The following CUX2 variants were observed in gnomAD, a reference collection of about 807,000 sequenced individuals.
CUX2 encodes homeobox protein cut-like 2.
Under a neutral mutation model 144.8 loss-of-function variants are expected in CUX2, and 40 were observed. The observed-to-expected ratio is 0.28, with a 90% CI of 0.21 to 0.36. The LOEUF is 0.36. Among genes scored for constraint, CUX2 ranks in the 10% least tolerant of loss-of-function variants. CUX2 has a pLI of 1.00. For synonymous variants in CUX2, 827 were observed against 875.6 expected, an observed-to-expected ratio of 0.94 and a Z score of 0.98; for missense variants, 1,615 against 1,994.0, an observed-to-expected ratio of 0.81 and a Z score of 3.62.
At chr12:111,218,754 T>G (rs1300937909) in intron 3 of CUX2, among the ~76,000 whole-genome samples, 4 of 152,142 alleles carry the variant, frequency 2.6e-5, no homozygotes, top group African/African-American at 9.7e-5. Flanking sequence ...AAAAGTGACA[T>G]TGTCCACATT....
chr12:111,164,648 C>T (rs909422283), intron 1 of CUX2, among the ~76,000 whole-genome samples: 12 of 151,942 alleles, frequency 7.9e-5, no homozygotes, highest in African/African-American at 2.9e-4. Context: ...GGGATCCACA[C>T]AAATTGGATC....
intron 3 of CUX2, among the ~76,000 whole-genome samples, chr12:111,222,143 C>T (rs752483982): frequency 6.6e-6 from 1 of 152,148 alleles, no homozygotes; most frequent in Non-Finnish European, 1.5e-5. Flanking sequence ...TAGCAGTTCT[C>T]GCAGTTACAT....
chr12:111,072,143 C>T (rs1871279616), intron 1 of CUX2, among the ~76,000 whole-genome samples: 1 of 152,178 alleles, frequency 6.6e-6, no homozygotes, highest in African/African-American at 2.4e-5. Context: ...TGTCACTACC[C>T]ACAAAAATAG....
chr12:111,277,940 A>C lies in CUX2; in HGVS notation c.302-13478A>C, dbSNP rs533442103. On this transcript the variant is annotated intron_variant, in intron 4 of 21. Coordinates refer to ENST00000261726, the MANE Select transcript of CUX2 (RefSeq NM_015267.4). The surrounding 1 kb of genome is among the most constrained non-coding windows in gnomAD (Gnocchi z 5.0). ...TTCGCAGGGCCGGGTTGTTTCTGAA[A>C]GCAGGAGGCTGCAGGGGAGAAGTCA... Among the ~76,000 whole-genome samples, 9 of 152,332 alleles carry C rather than the reference A, an allele frequency of 5.9e-5. No individual in the cohort carries two copies. In the South Asian group the frequency reaches 1.2e-3, roughly 21 times the overall value.
chr12:111,323,055 G>A (rs1202939116), intron 18 of CUX2, among the ~76,000 whole-genome samples: 1 of 152,228 alleles, frequency 6.6e-6, no homozygotes, highest in Non-Finnish European at 1.5e-5. Flanking sequence ...TGAGGAAACG[G>A]AGGCTCAGAG....
chr12:111,093,308 C>G (rs922062044), intron 1 of CUX2, among the ~76,000 whole-genome samples: 4 of 152,208 alleles, frequency 2.6e-5, no homozygotes, highest in African/African-American at 9.6e-5. Flanking sequence ...TAGAACTGTG[C>G]TGTTACATAA....
chr12:111,234,839 C>T (rs1246201364), intron 3 of CUX2, among the ~76,000 whole-genome samples: 3 of 152,060 alleles, frequency 2.0e-5, no homozygotes, highest in Admixed American at 6.6e-5. Flanking sequence ...CCACCTTAGC[C>T]TCCCGAGTAG....
intron 1 of CUX2, among the ~76,000 whole-genome samples, chr12:111,117,696 A>G (rs768859380): frequency 3.9e-5 from 6 of 152,210 alleles, no homozygotes; most frequent in Admixed American, 6.5e-5. Flanking sequence ...CTGTTTACCT[A>G]CAGAGCACTT....
intron 1 of CUX2, among the ~76,000 whole-genome samples, chr12:111,135,793 C>T (rs999142982): frequency 7.2e-5 from 11 of 152,130 alleles, no homozygotes; most frequent in African/African-American, 2.2e-4. Flanking sequence ...TCCATAGAGA[C>T]AGAAAGCAGA....
chr12:111,263,936 G>C lies in CUX2; in HGVS notation c.301+97G>C. Reference sequence around the variant, plus strand: ...ACTTTGAGGTGGGATGTGGGGACATGCCTGGGCTCCTGGGTGAGGCCAGGC... The same window carrying C: ...ACTTTGAGGTGGGATGTGGGGACATCCCTGGGCTCCTGGGTGAGGCCAGGC... On this transcript the variant is annotated intron_variant, in intron 4 of 21. Coordinates refer to ENST00000261726, the MANE Select transcript of CUX2 (RefSeq NM_015267.4). The surrounding 1 kb of genome is among the most constrained non-coding windows in gnomAD (Gnocchi z 4.0). 1 of 1,196,030 alleles carries C rather than the reference G, an allele frequency of 8.4e-7. No homozygotes were observed. Among genetic ancestry groups the C allele is most frequent in the Non-Finnish European group, 1.2e-6 (1 of 805,704 alleles). The allele number at this position is 1,196,030 out of a possible 1,614,324, so 74.1% of individuals were successfully genotyped here.
chr12:111,194,702 G>A (rs987283999), intron 1 of CUX2, among the ~76,000 whole-genome samples: 1 of 152,212 alleles, frequency 6.6e-6, no homozygotes, highest in Non-Finnish European at 1.5e-5. Flanking sequence ...GGTCAACTGG[G>A]AACAGGTCAC....
intron 19 of CUX2, among the ~76,000 whole-genome samples, chr12:111,336,345 T>C (rs1380262202): frequency 6.6e-6 from 1 of 152,054 alleles, no homozygotes; most frequent in African/African-American, 2.4e-5. Context: ...TTTTAAGGTA[T>C]ACCGAAAAGT....
Position 111,284,233 on chromosome 12 carries a change from G to A in CUX2, c.302-7185G>A, listed in dbSNP as rs530450766. On this transcript the variant is annotated intron_variant, in intron 4 of 21. Transcript: ENST00000261726. Reference sequence around the variant, plus strand: ...TCTATCTGATGACACCTAATGTTGAGTGCATGCCTAGGATATATTGTAATG... The same window carrying A: ...TCTATCTGATGACACCTAATGTTGAATGCATGCCTAGGATATATTGTAATG... Among the ~76,000 whole-genome samples, 58 of 152,304 alleles carry A rather than the reference G, an allele frequency of 3.8e-4. No homozygotes were observed. The Middle Eastern group carries it at 0.027, about 71-fold the overall frequency.
At chr12:111,219,108 G>A (rs1881707449) in intron 3 of CUX2, among the ~76,000 whole-genome samples, 1 of 152,170 alleles carries the variant, frequency 6.6e-6, no homozygotes, top group Non-Finnish European at 1.5e-5. Context: ...CATCCACCAA[G>A]CGCCACATTA....
chr12:111,043,435 A>G (rs1414412207), intron 1 of CUX2, among the ~76,000 whole-genome samples: 3 of 152,036 alleles, frequency 2.0e-5, no homozygotes, highest in Admixed American at 6.5e-5. Flanking sequence ...TGGCCGGGAG[A>G]AGATTCTGAG....
At chr12:111,291,062 A>G (rs892326280) in intron 4 of CUX2, among the ~76,000 whole-genome samples, 1 of 147,718 alleles carries the variant, frequency 6.8e-6, no homozygotes, top group African/African-American at 2.5e-5. Context: ...ACGGGGTTTC[A>G]CCATGTTGGT....
chr12:111,328,802 G>A (rs1419081119), intron 18 of CUX2, among the ~76,000 whole-genome samples: 1 of 151,920 alleles, frequency 6.6e-6, no homozygotes, highest in Non-Finnish European at 1.5e-5. Context: ...TGGCCAGGCT[G>A]GTCTTGAACT....
chr12:111,174,394 G>T (rs1390216969), intron 1 of CUX2, among the ~76,000 whole-genome samples: 1 of 152,196 alleles, frequency 6.6e-6, no homozygotes, highest in Non-Finnish European at 1.5e-5. Flanking sequence ...CCTTCAATCT[G>T]TGAACCCTAA....
intron 4 of CUX2, among the ~76,000 whole-genome samples, chr12:111,275,561 T>G (rs1884833818): frequency 6.6e-6 from 1 of 152,194 alleles, no homozygotes; most frequent in Non-Finnish European, 1.5e-5. Context: ...GGCAAGGAGC[T>G]GCACGGATGC....
Sources: gnomAD v4.1 joint callset for allele counts (sites outside exome capture counted in the v4.1 genomes callset) on GRCh38, gnomAD v4.1.1 for gene constraint, Gnocchi (gnomAD v3.1) non-coding constraint, MANE v1.5 for transcripts, NCBI Gene and HGNC (gene_info 2026-07-23, HGNC 2026-07-21) for gene names.